The following USP12 variants were observed in gnomAD, a reference collection of about 807,000 sequenced individuals.
The protein encoded by USP12 is ubiquitin carboxyl-terminal hydrolase 12.
Under a neutral mutation model 45.5 loss-of-function variants are expected in USP12, and 19 were observed. That is an observed-to-expected ratio of 0.42 (90% confidence interval 0.29 to 0.61). USP12 has a LOEUF of 0.61. Among genes scored for constraint, USP12 ranks in the 20% least tolerant of loss-of-function variants. The probability of loss-of-function intolerance (pLI) is 0.22; values close to 1 mark genes in which losing one functional copy is unlikely to be tolerated. For missense variants in USP12, 242 were observed against 447.7 expected, an observed-to-expected ratio of 0.54 and a Z score of 4.15; for synonymous variants, 149 against 148.8, an observed-to-expected ratio of 1.00 and a Z score of -0.01.
At position 27,097,809 on chromosome 13, in the gene USP12, AATATCCTTTATCTAAAATGCTTGGG is replaced by A. The variant is rs1387960915; in HGVS notation, c.344-2004_344-1980del. Among the ~76,000 whole-genome samples the A allele has an allele frequency of 4.6e-5, 7 of 152,252 alleles. No homozygotes were observed. In the East Asian group the frequency reaches 1.4e-3, roughly 29 times the overall value. On this transcript the variant is annotated intron_variant, in intron 3 of 8. Coordinates refer to ENST00000282344, the MANE Select transcript of USP12 (RefSeq NM_182488.4). ...ATATTGGCAATATCACTACATGTTG[AATATCCTTTATCTAAAATGCTTGGG>A]ACCAGCAGTGGTTGGGACTTCAGAC...
chr13:27,145,235 A>G (rs776934879), intron 1 of USP12, among the ~76,000 whole-genome samples: 12 of 152,248 alleles, frequency 7.9e-5, no homozygotes, highest in Non-Finnish European at 1.6e-4. Context: ...ACAGGTGGCC[A>G]AAAACATGAA....
intron 1 of USP12, among the ~76,000 whole-genome samples, chr13:27,120,718 AT>A (rs1371356020): frequency 6.6e-6 from 1 of 152,052 alleles, no homozygotes; most frequent in East Asian, 1.9e-4. Context: ...GGAAGAAGAC[AT>A]TTTTTTCTGA....
At chr13:27,098,481 A>G (rs138452226) in intron 3 of USP12, among the ~76,000 whole-genome samples, 3 of 152,348 alleles carry the variant, frequency 2.0e-5, no homozygotes, top group African/African-American at 7.2e-5. Context: ...GGACTGGGAA[A>G]TAACAATTAA....
Position 27,067,446 on chromosome 13 carries a change from C to T in USP12, c.*1837G>A, listed in dbSNP as rs1873049425. 1.3e-5 allele frequency: 2 copies of T among 152,190 alleles called. No individual in the cohort carries two copies. 9.4% of individuals were successfully genotyped at this position (152,190 alleles called of 1,614,324 possible). A position where few individuals can be genotyped will look rare whatever the true frequency, so the allele number is the denominator to read the frequency against. On this transcript the variant is annotated 3_prime_UTR_variant, in exon 9 of 9. Coordinates refer to ENST00000282344, the MANE Select transcript of USP12 (RefSeq NM_182488.4). ...TGGCTTATATATAATTTGTACAAAACACCTCTAGCCAGGGTAAGGCTTTAG... is the reference window on the plus strand; with the variant it reads ...TGGCTTATATATAATTTGTACAAAATACCTCTAGCCAGGGTAAGGCTTTAG...
At chr13:27,160,203 G>T (rs992818693) in intron 1 of USP12, among the ~76,000 whole-genome samples, 1 of 151,910 alleles carries the variant, frequency 6.6e-6, no homozygotes, top group Admixed American at 6.6e-5. Context: ...AGTTAAAAAG[G>T]GCAACATAAT....
intron 1 of USP12, among the ~76,000 whole-genome samples, chr13:27,120,927 G>A (rs1875953130): frequency 6.6e-6 from 1 of 152,048 alleles, no homozygotes; most frequent in South Asian, 2.1e-4. Flanking sequence ...AGTGATGGGG[G>A]AACTACGAGA....
chr13:27,102,729 CTTCT>C (rs1022107298), intron 3 of USP12, among the ~76,000 whole-genome samples: 10 of 152,326 alleles, frequency 6.6e-5, no homozygotes, highest in African/African-American at 2.2e-4. Context: ...CTTTCCCAGT[CTTCT>C]TTTTTTCGTG....
intron 6 of USP12, among the ~76,000 whole-genome samples, chr13:27,086,107 C>A (rs1873998750): frequency 6.8e-6 from 1 of 147,086 alleles, no homozygotes; most frequent in Non-Finnish European, 1.5e-5. Context: ...GAGTCTGAGG[C>A]TACAGTGAGC....
chr13:27,071,246 T>G, intron 7 of USP12, 97 bp from the exon 8 acceptor site: 2 of 1,054,358 alleles, frequency 1.9e-6, no homozygotes, highest in Non-Finnish European at 1.3e-6. Context: ...AACAGATAAA[T>G]AGCAGTAAAA....
chr13:27,125,439 G>T (rs926125777), intron 1 of USP12, among the ~76,000 whole-genome samples: 1 of 152,210 alleles, frequency 6.6e-6, no homozygotes, highest in Non-Finnish European at 1.5e-5. Flanking sequence ...AACACTGAGT[G>T]CTGGAGAACT....
chr13:27,077,035 C>A (rs546987500), intron 6 of USP12, among the ~76,000 whole-genome samples: 1 of 152,196 alleles, frequency 6.6e-6, no homozygotes, highest in African/African-American at 2.4e-5. Flanking sequence ...AGTTCTTTTA[C>A]ATTGTAAAAA....
chr13:27,116,985 A>G (rs1272558136), intron 1 of USP12, among the ~76,000 whole-genome samples: 9 of 152,156 alleles, frequency 5.9e-5, no homozygotes. Flanking sequence ...CCATATCCCC[A>G]TCGTTACACA....
intron 1 of USP12, among the ~76,000 whole-genome samples, chr13:27,149,865 T>C (rs907653047): frequency 6.6e-6 from 1 of 152,198 alleles, no homozygotes; most frequent in East Asian, 1.9e-4. Flanking sequence ...GCATGCGCGG[T>C]TCATAACAGG....
intron 1 of USP12, among the ~76,000 whole-genome samples, chr13:27,161,653 T>C (rs144602641): frequency 0.013 from 2,025 of 152,230 alleles, 22 homozygotes; most frequent in Middle Eastern, 0.027. Flanking sequence ...GGAGGCCAGC[T>C]ACATCACTTG....
At chr13:27,163,844 A>AG (rs922966088) in intron 1 of USP12, among the ~76,000 whole-genome samples, 15 of 152,094 alleles carry the variant, frequency 9.9e-5, no homozygotes, top group African/African-American at 3.6e-4. Flanking sequence ...CTCACCAGAA[A>AG]GGGACTGGCT....
chr13:27,117,883 T>C (rs1452972441), intron 1 of USP12: 2 of 513,138 alleles, frequency 3.9e-6, no homozygotes, highest in Non-Finnish European at 7.8e-6. Flanking sequence ...CTGAGCACCA[T>C]GGTGGGGGAT....
intron 1 of USP12, among the ~76,000 whole-genome samples, chr13:27,121,998 A>G (rs2137802154): frequency 6.6e-6 from 1 of 152,254 alleles, no homozygotes; most frequent in African/African-American, 2.4e-5. Context: ...AACTAAATAC[A>G]ACTTCAAAAT....
intron 1 of USP12, among the ~76,000 whole-genome samples, chr13:27,141,518 G>C (rs1013515921): frequency 2.0e-5 from 3 of 152,088 alleles, no homozygotes; most frequent in African/African-American, 7.2e-5. Flanking sequence ...TTTATACCAA[G>C]AAGTTAGAAA....
intron 1 of USP12, among the ~76,000 whole-genome samples, chr13:27,142,150 G>A (rs553238682): frequency 3.9e-5 from 6 of 152,090 alleles, no homozygotes; most frequent in South Asian, 2.1e-4. Context: ...ACACACACAC[G>A]CAATGACAGT....
Sources: allele counts gnomAD v4.1 joint callset (sites outside exome capture counted in the v4.1 genomes callset), GRCh38; gene constraint gnomAD v4.1.1; transcripts MANE v1.5; gene names NCBI Gene and HGNC (gene_info 2026-07-23, HGNC 2026-07-21).